The following MTHFD1L variants were observed in gnomAD, a reference collection of about 807,000 sequenced individuals.
MTHFD1L encodes methylenetetrahydrofolate dehydrogenase (NADP+ dependent) 1 like.
In MTHFD1L, 81 loss-of-function variants were observed where a neutral mutation model predicts 119.5. The observed-to-expected ratio is 0.68, with a 90% CI of 0.57 to 0.82. The LOEUF (loss-of-function observed/expected upper bound fraction) is 0.82. Ranked by LOEUF, MTHFD1L falls within the 40% of genes least tolerant of loss-of-function variation. MTHFD1L has a pLI of 0.00. For missense variants in MTHFD1L, 1,125 were observed against 1,253.4 expected, an observed-to-expected ratio of 0.90 and a Z score of 1.55; for synonymous variants, 430 against 475.2, an observed-to-expected ratio of 0.90 and a Z score of 1.24.
chr6:150,923,109 A>G (rs546838365), intron 10 of MTHFD1L, among the ~76,000 whole-genome samples: 1 of 152,282 alleles, frequency 6.6e-6, no homozygotes, highest in Non-Finnish European at 1.5e-5. Context: ...GGGATAAAGG[A>G]CCGTCCAAAC....
intron 10 of MTHFD1L, among the ~76,000 whole-genome samples, chr6:150,922,604 A>G (rs150514530): frequency 1.2e-4 from 18 of 150,938 alleles, no homozygotes; most frequent in African/African-American, 3.9e-4. Context: ...TTTAATTTCA[A>G]TGATGTTTCC....
At chr6:151,055,398 G>A (rs1416054923) in intron 26 of MTHFD1L, among the ~76,000 whole-genome samples, 3 of 152,094 alleles carry the variant, frequency 2.0e-5, no homozygotes, top group East Asian at 1.9e-4. Flanking sequence ...TCTCCATCTC[G>A]GTTTTACATG....
At chr6:151,003,839 C>T (rs1584066833) in intron 20 of MTHFD1L, among the ~76,000 whole-genome samples, 2 of 152,028 alleles carry the variant, frequency 1.3e-5, no homozygotes, top group African/African-American at 2.4e-5. Context: ...TCAGAGGGAC[C>T]GGGGGCACCA....
At chr6:150,868,234 T>TA (rs1415684310) in intron 1 of MTHFD1L, among the ~76,000 whole-genome samples, 1 of 152,176 alleles carries the variant, frequency 6.6e-6, no homozygotes, top group African/African-American at 2.4e-5. Context: ...TAACAGTACT[T>TA]ACCTCAAGGG....
chr6:150,914,897 C>T lies in MTHFD1L; in HGVS notation c.893-3680C>T, dbSNP rs183312184. On this transcript the variant is annotated intron_variant, in intron 8 of 27. Transcript: ENST00000367321. The stretch of plus-strand genomic sequence containing the variant: ...ATTCCTCTCCTGTGGTTACTCAATC[C>T]GACCCTACTTGCCTCTCTCTTCCAC... 6.8e-4 allele frequency among the ~76,000 whole-genome samples: 103 copies of T among 152,278 alleles called. 1 individual carries two copies. Among genetic ancestry groups the T allele is most frequent in the Middle Eastern group, 3.4e-3 (1 of 294 alleles).
chr6:150,972,139 A>G, intron 20 of MTHFD1L, 81 bp downstream of exon 20: 1 of 1,228,020 alleles, frequency 8.1e-7, no homozygotes. Flanking sequence ...AGTGATATCC[A>G]TCCTGACATG....
chr6:150,998,995 A>AAAAAAAATGTATATAT (rs986639098), intron 20 of MTHFD1L, among the ~76,000 whole-genome samples: 2 of 143,660 alleles, frequency 1.4e-5, no homozygotes, highest in Non-Finnish European at 3.1e-5. Flanking sequence ...GTCTTAAAAA[A>AAAAAAAATGTATATAT]ATATATATAC....
intron 8 of MTHFD1L, among the ~76,000 whole-genome samples, chr6:150,910,444 T>G (rs1373412037): frequency 1.3e-5 from 2 of 149,144 alleles, no homozygotes; most frequent in Non-Finnish European, 3.0e-5. Context: ...ATGCCTGTAA[T>G]CCCAGCTACT....
chr6:151,070,410 G>T (rs1313606398), intron 26 of MTHFD1L, among the ~76,000 whole-genome samples: 3 of 152,176 alleles, frequency 2.0e-5, no homozygotes, highest in Non-Finnish European at 4.4e-5. Flanking sequence ...CTCTCTTTCA[G>T]TTGCCATCTG....
intron 15 of MTHFD1L, among the ~76,000 whole-genome samples, chr6:150,948,786 ATG>A (rs1562436823): frequency 2.8e-5 from 4 of 143,670 alleles, no homozygotes; most frequent in East Asian, 4.5e-4. Flanking sequence ...GATTACAGGC[ATG>A]CGCCACCATG....
intron 26 of MTHFD1L, among the ~76,000 whole-genome samples, chr6:151,081,611 G>A (rs755066316): frequency 1.3e-5 from 2 of 152,050 alleles, no homozygotes; most frequent in African/African-American, 2.4e-5. Flanking sequence ...GGCAGAGGTT[G>A]CAGTGAGCTG....
intron 24 of MTHFD1L, among the ~76,000 whole-genome samples, chr6:151,019,133 C>T (rs1459254704): frequency 1.8e-4 from 28 of 152,184 alleles, no homozygotes; most frequent in Admixed American, 1.8e-3. Context: ...TGCCAGGGTA[C>T]CTACAACCCT....
chr6:150,894,049 G>A (rs1783805347), intron 7 of MTHFD1L, among the ~76,000 whole-genome samples: 1 of 152,138 alleles, frequency 6.6e-6, no homozygotes, highest in South Asian at 2.1e-4. Flanking sequence ...TTTGAGACCA[G>A]CCTGGCAACA....
intron 20 of MTHFD1L, among the ~76,000 whole-genome samples, chr6:150,978,756 T>C (rs1389865557): frequency 1.3e-5 from 2 of 152,148 alleles, no homozygotes; most frequent in Non-Finnish European, 2.9e-5. Context: ...AGTGTTACTA[T>C]CCTCATCTTA....
At chr6:151,096,587 T>C (rs1298165526) in intron 27 of MTHFD1L, among the ~76,000 whole-genome samples, 2 of 152,142 alleles carry the variant, frequency 1.3e-5, no homozygotes, top group Non-Finnish European at 2.9e-5. Flanking sequence ...AAAATAAAAA[T>C]GTTAAAGCTT....
chr6:151,011,086 C>T (rs533296539), intron 21 of MTHFD1L, among the ~76,000 whole-genome samples: 44 of 152,306 alleles, frequency 2.9e-4, no homozygotes, highest in African/African-American at 1.0e-3. Context: ...GTCCACCATG[C>T]AGAGCTGGAT....
chr6:151,081,915 C>G (rs935721838), intron 26 of MTHFD1L, among the ~76,000 whole-genome samples: 1 of 152,252 alleles, frequency 6.6e-6, no homozygotes. Context: ...CCACCCCTTC[C>G]TTCCTGCTTC....
chr6:150,946,038 G>T (rs1178019068), intron 15 of MTHFD1L, among the ~76,000 whole-genome samples: 1 of 152,140 alleles, frequency 6.6e-6, no homozygotes. Flanking sequence ...AGAATTTTTG[G>T]TGAGTCCTTC....
At chr6:150,909,538 C>T (rs1193873661) in intron 8 of MTHFD1L, among the ~76,000 whole-genome samples, 1 of 152,224 alleles carries the variant, frequency 6.6e-6, no homozygotes. Flanking sequence ...ACCACCATGT[C>T]TGGCCTAAAA....
Sources: gnomAD v4.1 joint callset for allele counts (sites outside exome capture counted in the v4.1 genomes callset) on GRCh38, gnomAD v4.1.1 for gene constraint, MANE v1.5 for transcripts, NCBI Gene and HGNC (gene_info 2026-07-23, HGNC 2026-07-21) for gene names.